CPNE5: variants seen among roughly 807,000 people sequenced by gnomAD.
CPNE5 encodes the protein copine 5.
Under a neutral mutation model 81.1 loss-of-function variants are expected in CPNE5, and 42 were observed. The observed-to-expected ratio is 0.52, with a 90% CI of 0.40 to 0.67. The LOEUF is 0.67. Ranked by LOEUF, CPNE5 falls within the 30% of genes least tolerant of loss-of-function variation. The pLI is 0.00. For synonymous variants in CPNE5, 313 were observed against 321.5 expected (o/e 0.97, Z 0.28); for missense variants, 612 against 815.5 (o/e 0.75, Z 3.04).
chr6:36,742,144 G>T lies in CPNE5; in HGVS notation c.*124C>A, dbSNP rs550625862. 1.1e-4 allele frequency: 77 copies of T among 702,882 alleles called. No homozygotes were observed. The East Asian group carries it at 2.0e-3, about 18-fold the overall frequency. The allele number at this position is 702,882 out of a possible 1,614,324, so 43.5% of individuals were successfully genotyped here. On this transcript the variant is annotated 3_prime_UTR_variant, in exon 21 of 21. Coordinates refer to ENST00000244751, the MANE Select transcript of CPNE5 (RefSeq NM_020939.2). The stretch of plus-strand genomic sequence containing the variant: ...GGGTCTTCAGAAGCCCCACCCCCTG[G>T]CAGCCTCCCAGGCACACAGATGTCC...
intron 8 of CPNE5, among the ~76,000 whole-genome samples, chr6:36,783,383 A>G (rs1768226676): frequency 6.6e-6 from 1 of 150,980 alleles, no homozygotes; most frequent in Non-Finnish European, 1.5e-5. Flanking sequence ...AAAAGTAAAA[A>G]AAAAAAAAAA....
intron 10 of CPNE5, among the ~76,000 whole-genome samples, chr6:36,772,015 A>G (rs1767080779): frequency 6.6e-6 from 1 of 152,098 alleles, no homozygotes; most frequent in Admixed American, 6.5e-5. Context: ...CCTCCCACCA[A>G]ATAAATACCC....
rs550679958 is a variant in CPNE5, at chr6:36,812,162, G to A, written c.183+9952C>T. On this transcript the variant is annotated intron_variant, in intron 3 of 20. Transcript: ENST00000244751. ...AGTCAGTGGCCTGGGCAGAGGAGAA[G>A]ACCAGGGACTCCGACTCGGAAAACC... Among the ~76,000 whole-genome samples the A allele has an allele frequency of 1.2e-4, 18 of 152,298 alleles. No individual in the cohort carries two copies. The South Asian group carries it at 3.5e-3, about 30-fold the overall frequency.
chr6:36,813,310 C>T (rs1771265245), intron 3 of CPNE5, among the ~76,000 whole-genome samples: 1 of 152,200 alleles, frequency 6.6e-6, no homozygotes, highest in African/African-American at 2.4e-5. Flanking sequence ...GAGGGAGGAT[C>T]ACCTGAGGTC....
chr6:36,742,491 C>A lies in CPNE5; in HGVS notation c.1564-5G>T, dbSNP rs746517482. The A allele has an allele frequency of 1.8e-4, 287 of 1,608,588 alleles. 1 individual carries two copies. The highest frequency in any genetic ancestry group is 2.4e-4 in the Non-Finnish European group (282 of 1,178,128). ...GTAGTCCCGGAAGGGTACAAACTGG[C>A]AAGTGGGAGGGCAGGGTCAGGCAGT... is the stretch of plus-strand genomic sequence containing the variant. On this transcript the variant is annotated splice_polypyrimidine_tract_variant and splice_region_variant and intron_variant, in intron 20 of 20. Transcript: ENST00000244751.
chr6:36,745,884 A>G (rs1189271332), intron 16 of CPNE5, among the ~76,000 whole-genome samples: 1 of 152,154 alleles, frequency 6.6e-6, no homozygotes, highest in African/African-American at 2.4e-5. Flanking sequence ...GGCCCAGCAC[A>G]GCACCTTGCA....
Position 36,798,492 on chromosome 6 carries a change from T to C in CPNE5, c.290A>G (p.Tyr97Cys), listed in dbSNP as rs778878816. ...ATCAGGACTCTTAGAGTCAACGTCG[T>C]ATCTGCAGGGAACACAGAGAAACGA... The part of the protein sequence containing the change: ...EEKQNLRFDL[Y>C]DVDSKSPDLS... Residue 97 changes from tyrosine to cysteine, a missense_variant and splice_region_variant, in exon 5 of 21, where the codon TAC (tyrosine) becomes TGC (cysteine). Physicochemically the swap from Tyr to Cys is radical, Grantham distance 194. Coordinates refer to ENST00000244751, the MANE Select transcript of CPNE5 (RefSeq NM_020939.2). 6.2e-7 allele frequency: 1 copy of C among 1,614,002 alleles called. No individual in the cohort carries two copies. The highest frequency in any genetic ancestry group is 8.5e-7 in the Non-Finnish European group (1 of 1,179,876).
chr6:36,827,221 G>T, intron 1 of CPNE5: 2 of 579,718 alleles, frequency 3.4e-6, no homozygotes, highest in Non-Finnish European at 4.4e-6. Context: ...CTATGTCCCT[G>T]CGCCCTACAC....
intron 3 of CPNE5, among the ~76,000 whole-genome samples, chr6:36,815,662 C>T (rs1771478264): frequency 6.6e-6 from 1 of 152,242 alleles, no homozygotes. Context: ...CAGACTAAGA[C>T]AGTGCCCAAC....
chr6:36,838,772 A>T (rs1257984588), intron 1 of CPNE5: 1 of 984,218 alleles, frequency 1.0e-6, no homozygotes, highest in African/African-American at 1.7e-5. Context: ...AAGGCTTTAA[A>T]ATCCTAGAGT....
chr6:36,745,408 G>C lies in CPNE5; in HGVS notation c.1308C>G (p.Pro436=). 6.2e-7 allele frequency: 1 copy of C among 1,607,378 alleles called. No individual in the cohort carries two copies. The highest frequency in any genetic ancestry group is 8.5e-7 in the Non-Finnish European group (1 of 1,177,678). ...VQLYGPTNFA[P]VVTHVARNAA... Reference sequence around the variant, plus strand: ...CTCACCTGGCCACGTGGGTGACCACGGGGGCAAAGTTGGTGGGGCCGTACA... The same window carrying C: ...CTCACCTGGCCACGTGGGTGACCACCGGGGCAAAGTTGGTGGGGCCGTACA... Residue 436 remains proline (P), a synonymous_variant, in exon 17 of 21, where the codon CCC becomes CCG. Coordinates refer to ENST00000244751, the MANE Select transcript of CPNE5 (RefSeq NM_020939.2).
At chr6:36,755,531 G>GT (rs1554195699) in intron 13 of CPNE5, 12,014 of 140,822 alleles carry the variant, frequency 0.085, 560 homozygotes, top group East Asian at 0.15. Flanking sequence ...GTGTGTGTGT[G>GT]TTTTTTTTTT....
intron 3 of CPNE5, among the ~76,000 whole-genome samples, chr6:36,814,904 C>T (rs945529683): frequency 3.1e-4 from 47 of 152,242 alleles, no homozygotes; most frequent in African/African-American, 1.1e-3. Context: ...CGGTGGCTCA[C>T]GCCTGTATTC....
At position 36,794,666 on chromosome 6, in the gene CPNE5, G is replaced by A. The variant is rs754377683; in HGVS notation, c.405-17C>T. Reference sequence around the variant, plus strand: ...GCGCCTATCCTGTGGAGAGAGAGGGGGAGAGAGAGCATGCCATGAGCTGAG... The same window carrying A: ...GCGCCTATCCTGTGGAGAGAGAGGGAGAGAGAGAGCATGCCATGAGCTGAG... On this transcript the variant is annotated splice_polypyrimidine_tract_variant and intron_variant, in intron 6 of 20. Transcript: ENST00000244751. 2.5e-6 allele frequency: 4 copies of A among 1,612,704 alleles called. No homozygotes were observed. The African/African-American group carries it at 4.0e-5, about 16-fold the overall frequency.
chr6:36,745,614 G>GC, intron 16 of CPNE5, 99 bp from the exon 17 acceptor site: 1 of 1,344,488 alleles, frequency 7.4e-7, no homozygotes, highest in East Asian at 2.5e-5. Context: ...GCAGGCCTGG[G>GC]CTCCCCCAGG....
chr6:36,820,170 C>T (rs1456328366), intron 3 of CPNE5, among the ~76,000 whole-genome samples: 2 of 152,114 alleles, frequency 1.3e-5, no homozygotes, highest in Non-Finnish European at 2.9e-5. Context: ...CAGGACCGGA[C>T]CCCTCATCCT....
At chr6:36,759,209 T>G (rs1397788007) in intron 12 of CPNE5, among the ~76,000 whole-genome samples, 6 of 152,250 alleles carry the variant, frequency 3.9e-5, no homozygotes, top group Non-Finnish European at 2.9e-5. Flanking sequence ...GTATTCCACA[T>G]TTCCACTCTC....
chr6:36,763,035 C>G lies in CPNE5; in HGVS notation c.780-43G>C, dbSNP rs371682764. ...TGCTGAGACCAAGGCCAGGCTGTGCCCTGCCTCTGCCCAGCCCCAGCCTTG... is the reference window on the plus strand; with the variant it reads ...TGCTGAGACCAAGGCCAGGCTGTGCGCTGCCTCTGCCCAGCCCCAGCCTTG... On this transcript the variant is annotated intron_variant, in intron 11 of 20. Coordinates refer to ENST00000244751, the MANE Select transcript of CPNE5 (RefSeq NM_020939.2). 35 of 1,548,030 alleles carry G rather than the reference C, an allele frequency of 2.3e-5. No homozygotes were observed. The African/African-American group carries it at 4.5e-4, about 20-fold the overall frequency.
Position 36,796,179 on chromosome 6 carries a change from C to T in CPNE5, c.405-1530G>A, listed in dbSNP as rs2150518707. ...GGTCAGGCTGGTCTCAAACTCCCGA[C>T]CTCAGGTGATCCACCCGCCTCGGCC... On this transcript the variant is annotated intron_variant, in intron 6 of 20. Coordinates refer to ENST00000244751, the MANE Select transcript of CPNE5 (RefSeq NM_020939.2). Among the ~76,000 whole-genome samples, 3 of 152,326 alleles carry T rather than the reference C, an allele frequency of 2.0e-5. No homozygotes were observed. The South Asian group carries it at 6.2e-4, about 32-fold the overall frequency.
Sources: allele counts gnomAD v4.1 joint callset (sites outside exome capture counted in the v4.1 genomes callset), GRCh38; gene constraint gnomAD v4.1.1; transcripts MANE v1.5; gene names NCBI Gene and HGNC (gene_info 2026-07-23, HGNC 2026-07-21).